The following USH2A variants were observed in gnomAD, a reference collection of about 807,000 sequenced individuals.
USH2A encodes usherin, also known as Usher syndrome 2A (autosomal recessive, mild).
Under a neutral mutation model 538.9 loss-of-function variants are expected in USH2A, and 443 were observed. The observed-to-expected ratio is 0.82, with a 90% CI of 0.76 to 0.89. USH2A has a LOEUF of 0.89. Among genes scored for constraint, USH2A ranks in the 40% least tolerant of loss-of-function variants. The pLI is 0.00. For synonymous variants in USH2A, 2,413 were observed against 2,273.5 expected, an observed-to-expected ratio of 1.06 and a Z score of -1.75; for missense variants, 6,633 against 6,324.8, an observed-to-expected ratio of 1.05 and a Z score of -1.65.
At chr1:216,161,542 A>G (rs1436884121) in intron 21 of USH2A, among the ~76,000 whole-genome samples, 1 of 152,068 alleles carries the variant, frequency 6.6e-6, no homozygotes, top group Non-Finnish European at 1.5e-5. Context: ...ATCAACTTCA[A>G]AGTATGATTT....
At chr1:216,185,318 T>C (rs749184137) in intron 20 of USH2A, among the ~76,000 whole-genome samples, 25 of 151,946 alleles carry the variant, frequency 1.6e-4, no homozygotes, top group Admixed American at 2.6e-4. Flanking sequence ...TCTAATCATA[T>C]ATTTAATTGA....
intron 51 of USH2A, among the ~76,000 whole-genome samples, chr1:215,788,637 A>C (rs1316833543): frequency 6.6e-6 from 1 of 152,214 alleles, no homozygotes; most frequent in Non-Finnish European, 1.5e-5. Context: ...GAGGAGCAGG[A>C]TAAAGAGAAC....
At chr1:215,773,418 C>A (rs1661347862) in intron 55 of USH2A, among the ~76,000 whole-genome samples, 1 of 151,842 alleles carries the variant, frequency 6.6e-6, no homozygotes, top group East Asian at 1.9e-4. Flanking sequence ...TCAGACACTG[C>A]CTTCTCCAGC....
intron 22 of USH2A, among the ~76,000 whole-genome samples, chr1:216,095,267 T>G (rs2032412947): frequency 6.6e-6 from 1 of 152,172 alleles, no homozygotes; most frequent in African/African-American, 2.4e-5. Flanking sequence ...TTTCTTGTTT[T>G]TGTCACATTT....
Position 215,934,902 on chromosome 1 carries a change from T to G in USH2A, c.7121-107A>C, listed in dbSNP as rs1184447086. 20 of 1,079,860 alleles carry G rather than the reference T, an allele frequency of 1.9e-5. No individual in the cohort carries two copies. In the South Asian group the frequency reaches 2.7e-4, roughly 15 times the overall value. The allele number at this position is 1,079,860 out of a possible 1,614,324, so 66.9% of individuals were successfully genotyped here. A position where few individuals can be genotyped will look rare whatever the true frequency, so the allele number is the denominator to read the frequency against. On this transcript the variant is annotated intron_variant, in intron 37 of 71. Transcript: ENST00000307340. Reference sequence around the variant, plus strand: ...CTAAATATACTGTACCAAATAGGTCTGTAACTTTACCACTCTAAGAGGCAT... The same window carrying G: ...CTAAATATACTGTACCAAATAGGTCGGTAACTTTACCACTCTAAGAGGCAT...
chr1:215,845,140 G>A (rs1393051519), intron 45 of USH2A, among the ~76,000 whole-genome samples: 1 of 152,082 alleles, frequency 6.6e-6, no homozygotes, highest in Non-Finnish European at 1.5e-5. Flanking sequence ...ATCTTAACTA[G>A]TTGAAGAATT....
chr1:216,349,042 G>A (rs766840224), intron 4 of USH2A, among the ~76,000 whole-genome samples: 10 of 152,012 alleles, frequency 6.6e-5, no homozygotes, highest in South Asian at 4.2e-4. Context: ...TTACTGCTGC[G>A]GAATGTATTG....
intron 38 of USH2A, among the ~76,000 whole-genome samples, chr1:215,933,946 A>T (rs1236491072): frequency 1.3e-5 from 2 of 152,040 alleles, no homozygotes; most frequent in Non-Finnish European, 2.9e-5. Flanking sequence ...ATTTCCCGCA[A>T]CGAGTTAAAA....
intron 4 of USH2A, among the ~76,000 whole-genome samples, chr1:216,354,414 T>C (rs1339670392): frequency 1.3e-5 from 2 of 152,136 alleles, no homozygotes; most frequent in African/African-American, 4.8e-5. Flanking sequence ...GATGCAGACA[T>C]GGCCCAGATG....
intron 3 of USH2A, among the ~76,000 whole-genome samples, chr1:216,395,774 A>G (rs1050817512): frequency 2.6e-5 from 4 of 152,208 alleles, no homozygotes; most frequent in Non-Finnish European, 5.9e-5. Flanking sequence ...TCTAGTGGGT[A>G]GAGACCAGAG....
Position 215,766,570 on chromosome 1 carries a change from C to T in USH2A, c.11047+111G>A, listed in dbSNP as rs367945283. 9 of 1,002,650 alleles carry T rather than the reference C, an allele frequency of 9.0e-6. No individual in the cohort carries two copies. In the African/African-American group the frequency reaches 1.4e-4, roughly 16 times the overall value. 62.1% of individuals were successfully genotyped at this position (1,002,650 alleles called of 1,614,324 possible). A position where few individuals can be genotyped will look rare whatever the true frequency, so the allele number is the denominator to read the frequency against. On this transcript the variant is annotated intron_variant, in intron 56 of 71. Transcript: ENST00000307340. ...ACCTAGAATGCTATTTTATTTTGTA[C>T]CTATCAACTTTATTGCCTCTTCCTT...
At chr1:216,107,398 CTT>C (rs1346157408) in intron 21 of USH2A, among the ~76,000 whole-genome samples, 1 of 151,620 alleles carries the variant, frequency 6.6e-6, no homozygotes, top group East Asian at 1.9e-4. Context: ...TATTACTGGT[CTT>C]AAAGGTAATT....
Position 216,381,058 on chromosome 1 carries a change from G to GA in USH2A, c.652-15974dup, listed in dbSNP as rs527976973. Reference sequence around the variant, plus strand: ...GTAATAAATGTCATACAGCCAATAAGAAAAAAAAGTGCTATAGGAGCAGAG... The same window carrying GA: ...GTAATAAATGTCATACAGCCAATAAGAAAAAAAAAGTGCTATAGGAGCAGAG... On this transcript the variant is annotated intron_variant, in intron 3 of 71. Coordinates refer to ENST00000307340, the MANE Select transcript of USH2A (RefSeq NM_206933.4). 9.2e-4 allele frequency among the ~76,000 whole-genome samples: 140 copies of GA among 151,668 alleles called. No individual in the cohort carries two copies. The Middle Eastern group carries it at 0.028, about 30-fold the overall frequency.
At chr1:216,147,059 T>C (rs1315770325) in intron 21 of USH2A, among the ~76,000 whole-genome samples, 1 of 152,144 alleles carries the variant, frequency 6.6e-6, no homozygotes, top group Non-Finnish European at 1.5e-5. Flanking sequence ...ATCCAGGCAT[T>C]CTTTTACACA....
chr1:216,098,610 GGTGAACATTGGA>G (rs767099636), intron 21 of USH2A, among the ~76,000 whole-genome samples: 19 of 152,072 alleles, frequency 1.2e-4, no homozygotes, highest in Non-Finnish European at 2.8e-4. Flanking sequence ...GATATCATTT[GGTGAACATTGGA>G]CTGTCGTTTT....
chr1:215,985,404 T>C (rs985220198), intron 35 of USH2A, among the ~76,000 whole-genome samples: 9 of 152,194 alleles, frequency 5.9e-5, no homozygotes, highest in South Asian at 4.1e-4. Context: ...GCAGATAATA[T>C]AGTGAATAAA....
At chr1:215,715,621 T>C (rs1210773046) in intron 61 of USH2A, among the ~76,000 whole-genome samples, 1 of 152,222 alleles carries the variant, frequency 6.6e-6, no homozygotes, top group East Asian at 1.9e-4. Flanking sequence ...GAAGAGAGTT[T>C]TCAAGACACT....
In USH2A at chr1:216,161,774, T is replaced by C. The variant is rs557820749; in HGVS notation, c.4627+13478A>G. Among the ~76,000 whole-genome samples the C allele has an allele frequency of 4.8e-3, 725 of 152,202 alleles. 6 individuals carry two copies. The highest frequency in any genetic ancestry group is 0.01 in the Middle Eastern group (3 of 294). ...TATCATTTTTGATGGATATGTTTCCTGGGTACAGAAATCTTGACTGGTAGT... is the reference window on the plus strand; with the variant it reads ...TATCATTTTTGATGGATATGTTTCCCGGGTACAGAAATCTTGACTGGTAGT... On this transcript the variant is annotated intron_variant, in intron 21 of 71. Coordinates refer to ENST00000307340, the MANE Select transcript of USH2A (RefSeq NM_206933.4).
chr1:216,052,784 A>T (rs2030837765), intron 30 of USH2A, among the ~76,000 whole-genome samples: 1 of 152,218 alleles, frequency 6.6e-6, no homozygotes, highest in African/African-American at 2.4e-5. Context: ...TTTGATTCTC[A>T]GTAAGTAGTG....
Sources: allele counts gnomAD v4.1 joint callset (sites outside exome capture counted in the v4.1 genomes callset), GRCh38; gene constraint gnomAD v4.1.1; transcripts MANE v1.5; gene names NCBI Gene and HGNC (gene_info 2026-07-23, HGNC 2026-07-21).